CHN2: variants seen among roughly 807,000 people sequenced by gnomAD.
CHN2 encodes beta-chimaerin.
In CHN2, 35 loss-of-function variants were observed where a neutral mutation model predicts 56.3. That is an observed-to-expected ratio of 0.62 (90% CI 0.47 to 0.82). CHN2 has a LOEUF of 0.82. Ranked by LOEUF, CHN2 falls within the 40% of genes least tolerant of loss-of-function variation. The probability of loss-of-function intolerance (pLI) is 0.00; values close to 1 mark genes in which losing one functional copy is unlikely to be tolerated. For synonymous variants in CHN2, 210 were observed against 212.8 expected (o/e 0.99, Z 0.12); for missense variants, 491 against 580.5 (o/e 0.85, Z 1.58).
At chr7:29,233,896 G>C (rs245947) in intron 1 of CHN2, among the ~76,000 whole-genome samples, 47,258 of 130,300 alleles carry the variant, frequency 0.36, 8,718 homozygotes, top group East Asian at 0.52. Context: ...TGCAGTGGCG[G>C]GATCTCGGCT....
At position 29,237,877 on chromosome 7, in the gene CHN2, C is replaced by T. The variant is rs531821511; in HGVS notation, c.49+42887C>T. 3.1e-4 allele frequency among the ~76,000 whole-genome samples: 47 copies of T among 152,226 alleles called. No homozygotes were observed. The South Asian group carries it at 8.1e-3, about 26-fold the overall frequency. On this transcript the variant is annotated intron_variant, in intron 1 of 12. Coordinates refer to ENST00000222792, the MANE Select transcript of CHN2 (RefSeq NM_004067.4). Reference sequence around the variant, plus strand: ...TGGTGTCATCCTTTGTACGTGCTTCCGAGGGGCCAGGAAGTTTAAAAGGAG... The same window carrying T: ...TGGTGTCATCCTTTGTACGTGCTTCTGAGGGGCCAGGAAGTTTAAAAGGAG...
intron 6 of CHN2, among the ~76,000 whole-genome samples, chr7:29,435,317 A>G (rs1160824338): frequency 6.6e-6 from 1 of 152,214 alleles, no homozygotes; most frequent in Non-Finnish European, 1.5e-5. Flanking sequence ...AACTGTTAGA[A>G]ATGCAAATAC....
In CHN2 at chr7:29,512,665, C is replaced by T. The variant is rs781686136; in HGVS notation, c.1337C>T (p.Thr446Ile). 1.9e-6 allele frequency: 3 copies of T among 1,614,170 alleles called. No homozygotes were observed. Among genetic ancestry groups the T allele is most frequent in the Non-Finnish European group, 2.5e-6 (3 of 1,180,018 alleles). The change falls in exon 13 of 13, where the codon ACC becomes ATC. Residue 446 changes from threonine (T) to isoleucine (I), a missense_variant. Transcript: ENST00000222792. The part of the protein sequence containing the change: ...MRPPEDSTLT[T>I]LHDMRYQKLI... ...CCCCCTGAGGACAGCACCCTGACCA[C>T]CCTGCATGATATGCGGTACCAAAAG...
intron 2 of CHN2, among the ~76,000 whole-genome samples, chr7:29,357,270 G>A (rs912987360): frequency 1.3e-5 from 2 of 152,120 alleles, no homozygotes; most frequent in African/African-American, 4.8e-5. Context: ...AGTCCTCCAG[G>A]CTCTATTTGA....
chr7:29,433,006 A>G (rs1415277788), intron 6 of CHN2, among the ~76,000 whole-genome samples: 2 of 152,188 alleles, frequency 1.3e-5, no homozygotes, highest in African/African-American at 2.4e-5. Context: ...GGTTACCAAA[A>G]AGAATTCTTG....
intron 1 of CHN2, among the ~76,000 whole-genome samples, chr7:29,347,049 T>G (rs973677434): frequency 2.0e-5 from 3 of 152,122 alleles, no homozygotes; most frequent in African/African-American, 7.2e-5. Flanking sequence ...GTGTCTCCAT[T>G]TGCTTCCCTG....
intron 7 of CHN2, among the ~76,000 whole-genome samples, chr7:29,491,628 C>G (rs543887108): frequency 6.6e-6 from 1 of 152,280 alleles, no homozygotes; most frequent in East Asian, 1.9e-4. Flanking sequence ...AGGCTGGTCT[C>G]TACCTGGCCT....
At chr7:29,393,215 T>G (rs1459480156) in intron 3 of CHN2, among the ~76,000 whole-genome samples, 3 of 152,232 alleles carry the variant, frequency 2.0e-5, no homozygotes, top group Admixed American at 2.0e-4. Flanking sequence ...AATATTGATT[T>G]TATTTAGAAC....
intron 3 of CHN2, among the ~76,000 whole-genome samples, chr7:29,389,101 G>A (rs536515989): frequency 4.6e-5 from 7 of 151,544 alleles, no homozygotes; most frequent in African/African-American, 1.7e-4. Flanking sequence ...TGTTGGGAAC[G>A]TCTCTTCTAA....
At chr7:29,337,075 A>G (rs1385435525) in intron 1 of CHN2, among the ~76,000 whole-genome samples, 1 of 152,138 alleles carries the variant, frequency 6.6e-6, no homozygotes, top group Admixed American at 6.5e-5. Flanking sequence ...GTGCTGCTTC[A>G]GGGAAAGGAC....
chr7:29,409,601 T>C (rs1803005733), intron 6 of CHN2, among the ~76,000 whole-genome samples: 1 of 152,196 alleles, frequency 6.6e-6, no homozygotes. Flanking sequence ...CACAGATGTG[T>C]AGTTGGAAAA....
intron 8 of CHN2, among the ~76,000 whole-genome samples, chr7:29,496,796 A>C (rs1198103621): frequency 6.6e-6 from 1 of 152,230 alleles, no homozygotes; most frequent in Non-Finnish European, 1.5e-5. Flanking sequence ...ATACAAATTA[A>C]TGTGTAACTG....
chr7:29,473,420 T>C (rs1217272562), intron 6 of CHN2, among the ~76,000 whole-genome samples: 4 of 151,138 alleles, frequency 2.6e-5, no homozygotes. Flanking sequence ...TTGGATTTAA[T>C]TGGGCAGAGG....
At chr7:29,488,102 C>G (rs76717258) in intron 7 of CHN2, among the ~76,000 whole-genome samples, 1 of 152,218 alleles carries the variant, frequency 6.6e-6, no homozygotes, top group Non-Finnish European at 1.5e-5. Flanking sequence ...GTCCAGGGAT[C>G]TGTGGTGCCC....
chr7:29,419,071 C>A (rs1804067513), intron 6 of CHN2, among the ~76,000 whole-genome samples: 2 of 151,848 alleles, frequency 1.3e-5, no homozygotes, highest in South Asian at 4.2e-4. Flanking sequence ...TTTCCAAGAA[C>A]TGACAACTGT....
At chr7:29,443,224 G>C (rs1278489202) in intron 6 of CHN2, among the ~76,000 whole-genome samples, 1 of 152,138 alleles carries the variant, frequency 6.6e-6, no homozygotes, top group Non-Finnish European at 1.5e-5. Flanking sequence ...ACAGGCGTGA[G>C]CCACTGTGCC....
At chr7:29,189,557 G>A (rs927453409) in intron 2 of CHN2, among the ~76,000 whole-genome samples, 2 of 152,178 alleles carry the variant, frequency 1.3e-5, no homozygotes, top group Non-Finnish European at 2.9e-5. Flanking sequence ...AAAGATGTTT[G>A]TAACCTGAAG....
chr7:29,410,136 A>T (rs753560141), intron 6 of CHN2, among the ~76,000 whole-genome samples: 10 of 152,246 alleles, frequency 6.6e-5, no homozygotes, highest in African/African-American at 2.4e-4. Flanking sequence ...TTTTAATTTC[A>T]TCGAGGCTTT....
intron 7 of CHN2, 71 bp downstream of exon 7, chr7:29,480,427 T>C: frequency 6.9e-7 from 1 of 1,454,834 alleles, no homozygotes; most frequent in South Asian, 1.2e-5. Context: ...ATAGTTTCCG[T>C]CTGGTTTCTG....
Sources: gnomAD v4.1 joint callset for allele counts (sites outside exome capture counted in the v4.1 genomes callset) on GRCh38, gnomAD v4.1.1 for gene constraint, MANE v1.5 for transcripts, NCBI Gene and HGNC (gene_info 2026-07-23, HGNC 2026-07-21) for gene names.